ST3GAL4: variants seen among roughly 807,000 people sequenced by gnomAD.
ST3GAL4 encodes the protein ST3 beta-galactoside alpha-2,3-sialyltransferase 4, also known as CMP-N-acetylneuraminate-beta-galactosamide-alpha-2,3-sialyltransferase 4.
Under a neutral mutation model 42.6 loss-of-function variants are expected in ST3GAL4, and 24 were observed. That is an observed-to-expected ratio of 0.56 (90% CI 0.41 to 0.79). The LOEUF is 0.79. Among genes scored for constraint, ST3GAL4 ranks in the 30% least tolerant of loss-of-function variants. ST3GAL4 has a pLI of 0.00. For missense variants in ST3GAL4, 311 were observed against 430.8 expected, an observed-to-expected ratio of 0.72 and a Z score of 2.46; for synonymous variants, 135 against 163.2, an observed-to-expected ratio of 0.83 and a Z score of 1.32.
At chr11:126,394,966 A>T (rs1010885727) in intron 1 of ST3GAL4, among the ~76,000 whole-genome samples, 2 of 152,064 alleles carry the variant, frequency 1.3e-5, no homozygotes, top group African/African-American at 4.8e-5. Flanking sequence ...CCTCCCATGC[A>T]TGACCCTGAG....
intron 1 of ST3GAL4, among the ~76,000 whole-genome samples, chr11:126,357,593 G>A (rs1224595608): frequency 2.6e-5 from 4 of 152,152 alleles, no homozygotes; most frequent in Admixed American, 6.5e-5. Flanking sequence ...TCCCAACCTC[G>A]TTAGACTCCT....
At chr11:126,401,332 C>T (rs1459072439) in intron 1 of ST3GAL4, among the ~76,000 whole-genome samples, 1 of 151,578 alleles carries the variant, frequency 6.6e-6, no homozygotes, top group Non-Finnish European at 1.5e-5. Context: ...CTTTGGGAGG[C>T]TGAGGTGGGC....
At chr11:126,408,542 G>A (rs1199684432) in intron 8 of ST3GAL4, 46 bp downstream of exon 8, 8 of 1,601,206 alleles carry the variant, frequency 5.0e-6, no homozygotes, top group Non-Finnish European at 4.3e-6. Context: ...CGGTGGGGAC[G>A]CTGCCCGAGT....
chr11:126,371,374 A>T (rs1182898516), intron 1 of ST3GAL4, among the ~76,000 whole-genome samples: 6 of 151,662 alleles, frequency 4.0e-5, no homozygotes, highest in Non-Finnish European at 7.4e-5. Context: ...CATGTTGGCC[A>T]GGCTGGTCTC....
At position 126,383,232 on chromosome 11, in the gene ST3GAL4, G is replaced by C. The variant is rs1437784474; in HGVS notation, c.-60-22864G>C. ...TCTTTCTGGGAGCTGAGCCTGGCTG[G>C]GCAGAGGGCGAGGAGCCCAGGATTC... On this transcript the variant is annotated intron_variant, in intron 1 of 10. Coordinates refer to ENST00000444328, the MANE Select transcript of ST3GAL4 (RefSeq NM_001254757.2). This position sits in a 1 kb window ranked among gnomAD's most constrained non-coding sequence, Gnocchi z 4.5. Among the ~76,000 whole-genome samples, 7 of 152,324 alleles carry C rather than the reference G, an allele frequency of 4.6e-5. No individual in the cohort carries two copies. Among genetic ancestry groups the C allele is most frequent in the Admixed American group, 3.9e-4 (6 of 15,308 alleles).
At position 126,378,978 on chromosome 11, in the gene ST3GAL4, G is replaced by A. The variant is rs1175291013; in HGVS notation, c.-61+23136G>A. Among the ~76,000 whole-genome samples the A allele has an allele frequency of 6.6e-6, 1 of 152,186 alleles. No homozygotes were observed. The highest frequency in any genetic ancestry group is 6.5e-5 in the Admixed American group (1 of 15,284). The stretch of plus-strand genomic sequence containing the variant: ...TGGCCCAGTTCCATTCATGTTTTCT[G>A]TGCGTAGAGATAAGTTACCATTAAT... On this transcript the variant is annotated intron_variant, in intron 1 of 10. Coordinates refer to ENST00000444328, the MANE Select transcript of ST3GAL4 (RefSeq NM_001254757.2). This position sits in a 1 kb window ranked among gnomAD's most constrained non-coding sequence, Gnocchi z 5.3.
Position 126,397,417 on chromosome 11 carries a change from A to T in ST3GAL4, c.-60-8679A>T, listed in dbSNP as rs1368595587. Among the ~76,000 whole-genome samples the T allele has an allele frequency of 2.6e-5, 4 of 152,124 alleles. No individual in the cohort carries two copies. Among genetic ancestry groups the T allele is most frequent in the African/African-American group, 9.7e-5 (4 of 41,356 alleles). On this transcript the variant is annotated intron_variant, in intron 1 of 10. Transcript: ENST00000444328. The surrounding 1 kb of genome is among the most constrained non-coding windows in gnomAD (Gnocchi z 5.0). ...GAGGTCATGGGATAGTGGGCAAGACATGAAAACCTTGTATAATATAAAATT... is the reference window on the plus strand; with the variant it reads ...GAGGTCATGGGATAGTGGGCAAGACTTGAAAACCTTGTATAATATAAAATT...
chr11:126,394,536 C>T (rs1953654187), intron 1 of ST3GAL4, among the ~76,000 whole-genome samples: 1 of 152,176 alleles, frequency 6.6e-6, no homozygotes, highest in Non-Finnish European at 1.5e-5. Context: ...GTGATCCTCC[C>T]ACCTCAGCCT....
intron 1 of ST3GAL4, among the ~76,000 whole-genome samples, chr11:126,377,535 T>A (rs1952867704): frequency 1.4e-5 from 2 of 145,070 alleles, no homozygotes; most frequent in Admixed American, 1.5e-4. Context: ...CAGGCTGGAG[T>A]GTGCAGTGGT....
rs111958228 is a variant in ST3GAL4, at chr11:126,391,936, CGTGTGTGT to C, written c.-60-14131_-60-14124del. 3.5e-4 allele frequency among the ~76,000 whole-genome samples: 50 copies of C among 144,482 alleles called. 1 individual carries two copies. Among genetic ancestry groups the C allele is most frequent in the East Asian group, 3.2e-3 (16 of 4,984 alleles). 94.8% of individuals were successfully genotyped at this position (144,482 alleles called of 152,430 possible). ...CTCAGAACACCTGTGATAACTTGGT[CGTGTGTGT>C]GTGTGTGTGTGTGTGTGTGTGTGTG... On this transcript the variant is annotated intron_variant, in intron 1 of 10. Coordinates refer to ENST00000444328, the MANE Select transcript of ST3GAL4 (RefSeq NM_001254757.2). This position sits in a 1 kb window ranked among gnomAD's most constrained non-coding sequence, Gnocchi z 5.5.
chr11:126,402,918 G>A (rs1954070509), intron 1 of ST3GAL4, among the ~76,000 whole-genome samples: 2 of 152,210 alleles, frequency 1.3e-5, no homozygotes, highest in African/African-American at 2.4e-5. Flanking sequence ...CCAGCAGGTC[G>A]GGTGAGCTGG....
chr11:126,394,939 T>C (rs1953682449), intron 1 of ST3GAL4, among the ~76,000 whole-genome samples: 1 of 152,126 alleles, frequency 6.6e-6, no homozygotes. Flanking sequence ...GTCAGACAGC[T>C]TGAGAGATGT....
rs1177058481 is a variant in ST3GAL4 at position 126,379,512 on chromosome 11, T to C, written c.-61+23670T>C. 6.6e-6 allele frequency among the ~76,000 whole-genome samples: 1 copy of C among 152,140 alleles called. No individual in the cohort carries two copies. Among genetic ancestry groups the C allele is most frequent in the Non-Finnish European group, 1.5e-5 (1 of 68,024 alleles). On this transcript the variant is annotated intron_variant, in intron 1 of 10. Transcript: ENST00000444328. This position sits in a 1 kb window ranked among gnomAD's most constrained non-coding sequence, Gnocchi z 4.2. ...TTATTATTGAGACGGAGTTTCTCTC[T>C]TGTTGCCCAGGCTGCAGTGCAGTGG...
In ST3GAL4 at chr11:126,411,468, T is replaced by C. The variant is rs1954523583; in HGVS notation, c.772-2037T>C. 1.3e-5 allele frequency among the ~76,000 whole-genome samples: 2 copies of C among 152,122 alleles called. No homozygotes were observed. Among genetic ancestry groups the C allele is most frequent in the Non-Finnish European group, 2.9e-5 (2 of 68,020 alleles). On this transcript the variant is annotated intron_variant, in intron 9 of 10. Coordinates refer to ENST00000444328, the MANE Select transcript of ST3GAL4 (RefSeq NM_001254757.2). The surrounding 1 kb of genome is among the most constrained non-coding windows in gnomAD (Gnocchi z 6.3). ...TAGCTTTCTGTTGCTCCCTAACTAA[T>C]ACCACAAGTTTAGCCGGCTAAAACA...
intron 1 of ST3GAL4, among the ~76,000 whole-genome samples, chr11:126,365,530 G>A (rs1952392870): frequency 6.6e-6 from 1 of 152,180 alleles, no homozygotes; most frequent in Non-Finnish European, 1.5e-5. Context: ...TGCAGAGGTG[G>A]GTGTGGGCCA....
rs1475295020 is a variant in ST3GAL4 at position 126,391,094 on chromosome 11, G to A, written c.-60-15002G>A. Among the ~76,000 whole-genome samples the A allele has an allele frequency of 6.6e-6, 1 of 152,142 alleles. No homozygotes were observed. Among genetic ancestry groups the A allele is most frequent in the South Asian group, 2.1e-4 (1 of 4,828 alleles). ...TGGATCCGTTCATCCACTGATGGAC[G>A]CTTGGGGGTTGCTTCCACATTAGCT... On this transcript the variant is annotated intron_variant, in intron 1 of 10. Coordinates refer to ENST00000444328, the MANE Select transcript of ST3GAL4 (RefSeq NM_001254757.2). The surrounding 1 kb of genome is among the most constrained non-coding windows in gnomAD (Gnocchi z 5.5).
intron 1 of ST3GAL4, among the ~76,000 whole-genome samples, chr11:126,371,464 A>G (rs1446440863): frequency 6.6e-6 from 1 of 152,122 alleles, no homozygotes; most frequent in Non-Finnish European, 1.5e-5. Flanking sequence ...CGCCTGGCCT[A>G]TTCTTTCATC....
rs1386626855 is a variant in ST3GAL4, at chr11:126,359,670, A to G, written c.-61+3828A>G. Among the ~76,000 whole-genome samples, 1 of 152,166 alleles carries G rather than the reference A, an allele frequency of 6.6e-6. No homozygotes were observed. Among genetic ancestry groups the G allele is most frequent in the African/African-American group, 2.4e-5 (1 of 41,432 alleles). On this transcript the variant is annotated intron_variant, in intron 1 of 10. Coordinates refer to ENST00000444328, the MANE Select transcript of ST3GAL4 (RefSeq NM_001254757.2). This position sits in a 1 kb window ranked among gnomAD's most constrained non-coding sequence, Gnocchi z 4.8. Reference sequence around the variant, plus strand: ...CACATCCCGGCCGGGCCGTACCCTGAGCACACGCTTGTCCGCTTTCTCAGC... The same window carrying G: ...CACATCCCGGCCGGGCCGTACCCTGGGCACACGCTTGTCCGCTTTCTCAGC...
In ST3GAL4 at chr11:126,393,265, T is replaced by C. The variant is rs559799090; in HGVS notation, c.-60-12831T>C. On this transcript the variant is annotated intron_variant, in intron 1 of 10. Transcript: ENST00000444328. This position sits in a 1 kb window ranked among gnomAD's most constrained non-coding sequence, Gnocchi z 5.9. ...AACCAGTTTCATCTGACCTGCTTGC[T>C]AACTCAAACATGGCTGCCCAACTGC... is the stretch of plus-strand genomic sequence containing the variant. The C allele has an allele frequency of 2.6e-5, 4 of 152,384 alleles. No homozygotes were observed. The highest frequency in any genetic ancestry group is 9.6e-5 in the African/African-American group (4 of 41,576). The allele number at this position is 152,384 out of a possible 1,614,324, so 9.4% of individuals were successfully genotyped here. A position where few individuals can be genotyped will look rare whatever the true frequency, so the allele number is the denominator to read the frequency against.
Sources: gnomAD v4.1 joint callset for allele counts (sites outside exome capture counted in the v4.1 genomes callset) on GRCh38, gnomAD v4.1.1 for gene constraint, Gnocchi (gnomAD v3.1) non-coding constraint, MANE v1.5 for transcripts, NCBI Gene and HGNC (gene_info 2026-07-23, HGNC 2026-07-21) for gene names.